The following OSBP2 variants were observed in gnomAD, a reference collection of about 807,000 sequenced individuals.
OSBP2 encodes the protein oxysterol binding protein 2, also known as oxysterol-binding protein 2.
Under a neutral mutation model 96.0 loss-of-function variants are expected in OSBP2, and 66 were observed. The ratio of observed to expected loss-of-function variants is 0.69; its 90% CI spans 0.56 to 0.84. The LOEUF (loss-of-function observed/expected upper bound fraction) is 0.84, where lower values mean the gene tolerates loss of function less well. Ranked by LOEUF, OSBP2 falls within the 40% of genes least tolerant of loss-of-function variation. The pLI is 0.00. For missense variants in OSBP2, 1,038 were observed against 1,222.7 expected (o/e 0.85, Z 2.25); for synonymous variants, 525 against 520.9 (o/e 1.01, Z -0.11).
At chr22:30,722,542 A>C (rs992984039) in intron 1 of OSBP2, among the ~76,000 whole-genome samples, 1 of 152,164 alleles carries the variant, frequency 6.6e-6, no homozygotes, top group African/African-American at 2.4e-5. Flanking sequence ...TATCTAGTCA[A>C]TACTCAAATT....
At chr22:30,798,312 T>C (rs1304955137) in intron 2 of OSBP2, among the ~76,000 whole-genome samples, 1 of 152,232 alleles carries the variant, frequency 6.6e-6, no homozygotes, top group East Asian at 1.9e-4. Flanking sequence ...AGGAGTTCTG[T>C]ATTCTGTATA....
intron 1 of OSBP2, among the ~76,000 whole-genome samples, chr22:30,711,567 C>G (rs2145686571): frequency 6.6e-6 from 1 of 151,906 alleles, no homozygotes; most frequent in South Asian, 2.1e-4. Flanking sequence ...TGGCAAAACC[C>G]CATGTCTACA....
At chr22:30,845,780 G>T (rs2038856065) in intron 2 of OSBP2, among the ~76,000 whole-genome samples, 1 of 151,290 alleles carries the variant, frequency 6.6e-6, no homozygotes, top group African/African-American at 2.4e-5. Context: ...TACCTGGGAG[G>T]CTGAGGCAGA....
At chr22:30,710,232 C>T (rs974167622) in intron 1 of OSBP2, among the ~76,000 whole-genome samples, 2 of 152,158 alleles carry the variant, frequency 1.3e-5, no homozygotes, top group African/African-American at 2.4e-5. Flanking sequence ...ATCTGCTACT[C>T]GATGGTTACT....
At chr22:30,724,078 C>A (rs1180887200) in intron 1 of OSBP2, among the ~76,000 whole-genome samples, 1 of 152,178 alleles carries the variant, frequency 6.6e-6, no homozygotes, top group East Asian at 1.9e-4. Context: ...AACCACTGAT[C>A]TTTTTACCGT....
chr22:30,759,341 C>G, intron 2 of OSBP2, among the ~76,000 whole-genome samples: 1 of 152,126 alleles, frequency 6.6e-6, no homozygotes, highest in East Asian at 1.9e-4. Flanking sequence ...GTCTCAAAAA[C>G]AAAAACAAAT....
intron 3 of OSBP2, among the ~76,000 whole-genome samples, chr22:30,885,994 G>A (rs2039801478): frequency 6.6e-6 from 1 of 152,208 alleles, no homozygotes; most frequent in Admixed American, 6.5e-5. Context: ...CCAGCAGAGG[G>A]GGCAGCTAGA....
At chr22:30,800,899 G>GGT (rs1483782381) in intron 2 of OSBP2, among the ~76,000 whole-genome samples, 1 of 152,104 alleles carries the variant, frequency 6.6e-6, no homozygotes, top group East Asian at 1.9e-4. Flanking sequence ...TTGTTTTAAT[G>GGT]GTGTGTGTGT....
chr22:30,791,675 C>T (rs1362106043), intron 2 of OSBP2, among the ~76,000 whole-genome samples: 4 of 152,108 alleles, frequency 2.6e-5, no homozygotes, highest in Admixed American at 2.0e-4. Flanking sequence ...TTAATGTATC[C>T]GTGCCACAGT....
intron 2 of OSBP2, among the ~76,000 whole-genome samples, chr22:30,788,645 A>G (rs1008273030): frequency 6.6e-6 from 1 of 152,176 alleles, no homozygotes; most frequent in Non-Finnish European, 1.5e-5. Flanking sequence ...AATGCCAAGG[A>G]CTGTGTTAAT....
intron 2 of OSBP2, among the ~76,000 whole-genome samples, chr22:30,767,226 C>G (rs2090286415): frequency 6.6e-6 from 1 of 151,120 alleles, no homozygotes; most frequent in Non-Finnish European, 1.5e-5. Flanking sequence ...AGGAGAATTG[C>G]TTGAGCCTGG....
At chr22:30,873,962 T>A (rs924610954) in intron 3 of OSBP2, among the ~76,000 whole-genome samples, 3 of 151,958 alleles carry the variant, frequency 2.0e-5, no homozygotes, top group Non-Finnish European at 4.4e-5. Context: ...GGTGGTTGGG[T>A]GTGGTGGCTC....
At chr22:30,900,254 CAAAA>C (rs200271401) in intron 12 of OSBP2, among the ~76,000 whole-genome samples, 1 of 108,420 alleles carries the variant, frequency 9.2e-6, no homozygotes, top group Admixed American at 9.5e-5. Context: ...AACTCCATCT[CAAAA>C]AAAAAAAAAA....
chr22:30,818,050 T>A (rs1016024704), intron 2 of OSBP2, among the ~76,000 whole-genome samples: 3 of 152,070 alleles, frequency 2.0e-5, no homozygotes, highest in Non-Finnish European at 4.4e-5. Flanking sequence ...CATGCACCAC[T>A]ATGCCCAGCT....
At position 30,871,423 on chromosome 22, in the gene OSBP2, A is replaced by G. The variant is rs1298510709; in HGVS notation, c.1107+741A>G. ...TCCTCCAGGCCTCCACCCTCCAGAC[A>G]CAGGTCTGACTGCAACAGCCTCCTC... On this transcript the variant is annotated intron_variant, in intron 3 of 13. Coordinates refer to ENST00000332585, the MANE Select transcript of OSBP2 (RefSeq NM_030758.4). The surrounding 1 kb of genome is among the most constrained non-coding windows in gnomAD (Gnocchi z 4.7). Among the ~76,000 whole-genome samples the G allele has an allele frequency of 6.6e-6, 1 of 152,126 alleles. No homozygotes were observed. The highest frequency in any genetic ancestry group is 1.5e-5 in the Non-Finnish European group (1 of 68,014).
rs533994709 is a variant in OSBP2 at position 30,836,912 on chromosome 22, C to T, written c.854-33517C>T. Among the ~76,000 whole-genome samples, 8 of 152,234 alleles carry T rather than the reference C, an allele frequency of 5.3e-5. No individual in the cohort carries two copies. In the South Asian group the frequency reaches 1.7e-3, roughly 32 times the overall value. ...TAGTAGCTGGCACATGACAGGTTCTCCGTCAACTCTTGTTAAGTGGGTGAA... is the reference window on the plus strand; with the variant it reads ...TAGTAGCTGGCACATGACAGGTTCTTCGTCAACTCTTGTTAAGTGGGTGAA... On this transcript the variant is annotated intron_variant, in intron 2 of 13. Transcript: ENST00000332585.
At chr22:30,730,822 T>C (rs2089767045) in intron 1 of OSBP2, among the ~76,000 whole-genome samples, 1 of 128,902 alleles carries the variant, frequency 7.8e-6, no homozygotes, top group Non-Finnish European at 1.6e-5. Context: ...TTTTTTTTTT[T>C]TCCCATGGAC....
At position 30,902,850 on chromosome 22, in the gene OSBP2, C is replaced by T. The variant is rs534038524; in HGVS notation, c.2376-2987C>T. On this transcript the variant is annotated intron_variant, in intron 12 of 13. Coordinates refer to ENST00000332585, the MANE Select transcript of OSBP2 (RefSeq NM_030758.4). The stretch of plus-strand genomic sequence containing the variant: ...ACCACAGCCTGGTGAACCCCTGGGC[C>T]ATGTTCCTGCAGCTTCCACTCCCAT... The T allele has an allele frequency of 1.6e-5, 5 of 319,740 alleles. No individual in the cohort carries two copies. The East Asian group carries it at 4.2e-4, about 27-fold the overall frequency. 19.8% of individuals were successfully genotyped at this position (319,740 alleles called of 1,614,324 possible). A position where few individuals can be genotyped will look rare whatever the true frequency, so the allele number is the denominator to read the frequency against.
At chr22:30,798,132 G>A (rs1454653321) in intron 2 of OSBP2, among the ~76,000 whole-genome samples, 1 of 152,190 alleles carries the variant, frequency 6.6e-6, no homozygotes, top group African/African-American at 2.4e-5. Flanking sequence ...GTCCTAGTGG[G>A]TGTAAGGTGG....
Sources: allele counts gnomAD v4.1 joint callset (sites outside exome capture counted in the v4.1 genomes callset), GRCh38; gene constraint gnomAD v4.1.1; non-coding constraint Gnocchi (gnomAD v3.1); transcripts MANE v1.5; gene names NCBI Gene and HGNC (gene_info 2026-07-23, HGNC 2026-07-21).